The following MAP2K5 variants were observed in gnomAD, a reference collection of about 807,000 sequenced individuals.
MAP2K5 encodes the protein mitogen-activated protein kinase kinase 5, also known as dual specificity mitogen-activated protein kinase kinase 5.
MAP2K5 carries 49 observed loss-of-function variants against 83.1 expected under a neutral mutation model. That is an observed-to-expected ratio of 0.59 (90% CI 0.47 to 0.75). The LOEUF (loss-of-function observed/expected upper bound fraction) is 0.75, where lower values mean the gene tolerates loss of function less well. Ranked by LOEUF, MAP2K5 falls within the 30% of genes least tolerant of loss-of-function variation. The pLI, the probability that MAP2K5 is intolerant of heterozygous loss-of-function variation, is 0.00. For synonymous variants in MAP2K5, 202 were observed against 191.8 expected (o/e 1.05, Z -0.44); for missense variants, 457 against 557.5 (o/e 0.82, Z 1.82).
chr15:67,714,807 G>A (rs1255001010), intron 16 of MAP2K5, among the ~76,000 whole-genome samples: 1 of 152,136 alleles, frequency 6.6e-6, no homozygotes, highest in East Asian at 1.9e-4. Context: ...GGAGCATTTA[G>A]GATTTCAGGT....
intron 1 of MAP2K5, among the ~76,000 whole-genome samples, chr15:67,548,708 G>A (rs914923336): frequency 6.6e-6 from 1 of 152,122 alleles, no homozygotes; most frequent in Non-Finnish European, 1.5e-5. Context: ...TCCCTTTACA[G>A]TTTCCTGTCA....
intron 12 of MAP2K5, among the ~76,000 whole-genome samples, chr15:67,661,756 T>G (rs1225259262): frequency 6.6e-6 from 1 of 152,112 alleles, no homozygotes; most frequent in Non-Finnish European, 1.5e-5. Flanking sequence ...TTTTTAGTGG[T>G]GAGCTATCTT....
chr15:67,701,907 C>T (rs1369460677), intron 15 of MAP2K5, among the ~76,000 whole-genome samples: 6 of 152,196 alleles, frequency 3.9e-5, no homozygotes. Flanking sequence ...TGCAGTCAGA[C>T]ATAACTGGCT....
chr15:67,766,701 A>G (rs1258471796), intron 19 of MAP2K5, among the ~76,000 whole-genome samples: 2 of 152,212 alleles, frequency 1.3e-5, no homozygotes, highest in Non-Finnish European at 2.9e-5. Flanking sequence ...CTAACTTTGT[A>G]ATTTTATTTG....
chr15:67,600,813 C>A, intron 8 of MAP2K5, 64 bp downstream of exon 8: 1 of 1,255,132 alleles, frequency 8.0e-7, no homozygotes, highest in South Asian at 1.4e-5. Context: ...TCCAAGTTCT[C>A]TGTGGCAAAG....
chr15:67,586,749 CT>C, intron 5 of MAP2K5, 96 bp from the exon 6 acceptor site: 1 of 1,122,892 alleles, frequency 8.9e-7, no homozygotes, highest in Non-Finnish European at 1.4e-6. Context: ...GCTAATTAAC[CT>C]TCATAGTGAA....
chr15:67,586,064 G>C (rs957792316), intron 5 of MAP2K5, 134 bp downstream of exon 5: 11 of 770,446 alleles, frequency 1.4e-5, no homozygotes, highest in Non-Finnish European at 2.5e-5. Context: ...TAAATGGGAG[G>C]TGGAGGGGGA....
intron 1 of MAP2K5, chr15:67,546,511 G>C (rs1451199307): frequency 2.3e-6 from 2 of 853,952 alleles, no homozygotes; most frequent in African/African-American, 3.7e-5. Flanking sequence ...AAGTCAGTCG[G>C]TCTCTCTGGG....
At chr15:67,699,232 G>A (rs1274504821) in intron 15 of MAP2K5, among the ~76,000 whole-genome samples, 1 of 151,892 alleles carries the variant, frequency 6.6e-6, no homozygotes, top group Non-Finnish European at 1.5e-5. Context: ...AGAGAGGAAA[G>A]TAGAATGGGA....
At chr15:67,791,325 G>T (rs945598039) in intron 21 of MAP2K5, among the ~76,000 whole-genome samples, 1 of 152,184 alleles carries the variant, frequency 6.6e-6, no homozygotes, top group Admixed American at 6.5e-5. Context: ...TTTCTCTAAG[G>T]CAGACTCTGA....
intron 13 of MAP2K5, among the ~76,000 whole-genome samples, chr15:67,679,419 CA>C (rs1374913490): frequency 3.3e-5 from 5 of 152,106 alleles, no homozygotes; most frequent in Non-Finnish European, 2.9e-5. Flanking sequence ...GCCTGAAAAT[CA>C]GAGCAGCTAC....
chr15:67,729,416 A>G (rs1270878453), intron 17 of MAP2K5, among the ~76,000 whole-genome samples: 1 of 152,204 alleles, frequency 6.6e-6, no homozygotes, highest in Non-Finnish European at 1.5e-5. Context: ...AATATTCTTG[A>G]GATTCCTAAT....
chr15:67,801,087 G>A lies in MAP2K5; in HGVS notation c.1243-5559G>A, dbSNP rs938729576. On this transcript the variant is annotated intron_variant, in intron 21 of 21. Transcript: ENST00000178640. This position sits in a 1 kb window ranked among gnomAD's most constrained non-coding sequence, Gnocchi z 4.8. ...AAAGCACCTCACACCCTATGGCTCC[G>A]CTGGACTGTGAGATCCCATCTAGTC... 3.9e-5 allele frequency among the ~76,000 whole-genome samples: 6 copies of A among 152,120 alleles called. No individual in the cohort carries two copies. The highest frequency in any genetic ancestry group is 8.8e-5 in the Non-Finnish European group (6 of 68,030).
chr15:67,720,254 A>C lies in MAP2K5; in HGVS notation c.1045-7662A>C, dbSNP rs889602331. ...CACATACACAAACATAAACACACGC[A>C]TATATATACACACACATATGCTTAT... On this transcript the variant is annotated intron_variant, in intron 16 of 21. Transcript: ENST00000178640. This position sits in a 1 kb window ranked among gnomAD's most constrained non-coding sequence, Gnocchi z 5.7. Among the ~76,000 whole-genome samples the C allele has an allele frequency of 1.3e-5, 2 of 152,152 alleles. No individual in the cohort carries two copies. Among genetic ancestry groups the C allele is most frequent in the African/African-American group, 2.4e-5 (1 of 41,418 alleles).
At chr15:67,726,328 G>A (rs1303233015) in intron 16 of MAP2K5, among the ~76,000 whole-genome samples, 1 of 152,122 alleles carries the variant, frequency 6.6e-6, no homozygotes, top group Non-Finnish European at 1.5e-5. Flanking sequence ...GATAACTTCA[G>A]CATATTCATG....
intron 16 of MAP2K5, among the ~76,000 whole-genome samples, chr15:67,706,377 T>G (rs2088554435): frequency 6.6e-6 from 1 of 152,174 alleles, no homozygotes; most frequent in African/African-American, 2.4e-5. Flanking sequence ...GGATTAGGTA[T>G]AGAGAACTCT....
At chr15:67,762,403 C>T (rs548449111) in intron 19 of MAP2K5, among the ~76,000 whole-genome samples, 1 of 152,172 alleles carries the variant, frequency 6.6e-6, no homozygotes, top group East Asian at 1.9e-4. Flanking sequence ...AAAAAAGATG[C>T]TCATTGGCTT....
chr15:67,725,084 C>T (rs1357523784), intron 16 of MAP2K5, among the ~76,000 whole-genome samples: 3 of 152,216 alleles, frequency 2.0e-5, no homozygotes, highest in Non-Finnish European at 4.4e-5. Flanking sequence ...AAGCCAGACC[C>T]ATGAATGATG....
At chr15:67,611,319 G>A (rs949839705) in intron 8 of MAP2K5, among the ~76,000 whole-genome samples, 2 of 152,110 alleles carry the variant, frequency 1.3e-5, no homozygotes, top group Admixed American at 1.3e-4. Context: ...CACATGTACC[G>A]AGTTAAGTTT....
Sources: gnomAD v4.1 joint callset for allele counts (sites outside exome capture counted in the v4.1 genomes callset) on GRCh38, gnomAD v4.1.1 for gene constraint, Gnocchi (gnomAD v3.1) non-coding constraint, MANE v1.5 for transcripts, NCBI Gene and HGNC (gene_info 2026-07-23, HGNC 2026-07-21) for gene names.